The following PTPRG variants were observed in gnomAD, a reference collection of about 807,000 sequenced individuals.
PTPRG encodes receptor-type tyrosine-protein phosphatase gamma.
A neutral mutation model predicts 165.3 loss-of-function variants in PTPRG; 102 were observed. The observed-to-expected ratio is 0.62, with a 90% confidence interval of 0.53 to 0.73. The LOEUF is 0.73. PTPRG is among the 30% of genes least tolerant of loss of function. PTPRG has a pLI of 0.00. For synonymous variants in PTPRG, 675 were observed against 669.5 expected (o/e 1.01, Z -0.13); for missense variants, 1,866 against 1,861.4 (o/e 1.00, Z -0.05).
chr3:61,643,260 G>GAGAGAGAGA (rs1702111483), intron 1 of PTPRG, among the ~76,000 whole-genome samples: 1 of 138,506 alleles, frequency 7.2e-6, no homozygotes, highest in Admixed American at 7.8e-5. Flanking sequence ...CCCCATCTGG[G>GAGAGAGAGA]GAGAGAGAGA....
At chr3:61,749,734 A>G (rs1332167344) in intron 2 of PTPRG, 1 of 153,996 alleles carries the variant, frequency 6.5e-6, no homozygotes, top group African/African-American at 2.4e-5. Flanking sequence ...AAAGCTAATT[A>G]AGGAATGCTT....
At chr3:61,869,259 T>C (rs1166427247) in intron 2 of PTPRG, among the ~76,000 whole-genome samples, 1 of 152,204 alleles carries the variant, frequency 6.6e-6, no homozygotes, top group Non-Finnish European at 1.5e-5. Context: ...TTAATTTCTA[T>C]TTTGGCTCAA....
At chr3:61,833,204 AC>A (rs1166609401) in intron 2 of PTPRG, among the ~76,000 whole-genome samples, 1 of 152,058 alleles carries the variant, frequency 6.6e-6, no homozygotes, top group Non-Finnish European at 1.5e-5. Flanking sequence ...GAGTCTCCTG[AC>A]TGAAAGTTAT....
chr3:61,983,741 G>T (rs537384770), intron 2 of PTPRG, among the ~76,000 whole-genome samples: 1 of 152,132 alleles, frequency 6.6e-6, no homozygotes, highest in Non-Finnish European at 1.5e-5. Flanking sequence ...TCTTAGGTCA[G>T]TTATTAACAG....
At chr3:62,142,559 C>T (rs1242534852) in intron 6 of PTPRG, among the ~76,000 whole-genome samples, 1 of 152,118 alleles carries the variant, frequency 6.6e-6, no homozygotes, top group Non-Finnish European at 1.5e-5. Flanking sequence ...ACATTGCTTT[C>T]CTCTGGGACA....
rs1226305258 is a variant in PTPRG, at chr3:62,003,492, G to A, written c.514G>A (p.Val172Ile). ...CAGCATCAATGGCAGGAGGTTTCCT[G>A]TTGAGGTGAGAGAAAGTCAAGATCT... Reference protein sequence around the residue: ...EHSINGRRFPVEMQIFFYNPD... With the variant: ...EHSINGRRFPIEMQIFFYNPD... The change falls in exon 4 of 30, where the codon GTT becomes ATT. Residue 172 changes from valine (V) to isoleucine (I), a missense_variant. Transcript: ENST00000474889. 1 of 1,613,712 alleles carries A rather than the reference G, an allele frequency of 6.2e-7. No individual in the cohort carries two copies. Among genetic ancestry groups the A allele is most frequent in the South Asian group, 1.1e-5 (1 of 90,996 alleles).
At chr3:61,566,349 A>G (rs184300019) in intron 1 of PTPRG, among the ~76,000 whole-genome samples, 4 of 152,390 alleles carry the variant, frequency 2.6e-5, no homozygotes, top group Non-Finnish European at 4.4e-5. Flanking sequence ...TTGCCTTTCT[A>G]TTCTAAACAG....
At chr3:62,010,072 C>T (rs1428475302) in intron 4 of PTPRG, among the ~76,000 whole-genome samples, 1 of 152,078 alleles carries the variant, frequency 6.6e-6, no homozygotes, top group Non-Finnish European at 1.5e-5. Flanking sequence ...CACACACCAC[C>T]GTGCCCAGCT....
intron 16 of PTPRG, among the ~76,000 whole-genome samples, chr3:62,256,476 C>G (rs1431195613): frequency 6.6e-6 from 1 of 151,938 alleles, no homozygotes; most frequent in African/African-American, 2.4e-5. Flanking sequence ...TTTATGGAAC[C>G]AACAAAAGCA....
At chr3:61,857,096 T>G (rs1301546735) in intron 2 of PTPRG, among the ~76,000 whole-genome samples, 1 of 152,192 alleles carries the variant, frequency 6.6e-6, no homozygotes, top group Non-Finnish European at 1.5e-5. Flanking sequence ...TATCTTTTTT[T>G]TTTTACCCCC....
intron 4 of PTPRG, among the ~76,000 whole-genome samples, chr3:62,058,681 T>A (rs1209576995): frequency 6.6e-6 from 1 of 152,134 alleles, no homozygotes; most frequent in Non-Finnish European, 1.5e-5. Context: ...GGTGCTGTTG[T>A]TAGCATGACC....
chr3:62,052,024 G>A (rs933756219), intron 4 of PTPRG, among the ~76,000 whole-genome samples: 5 of 152,242 alleles, frequency 3.3e-5, no homozygotes, highest in Non-Finnish European at 7.4e-5. Context: ...CATCTTCTGA[G>A]TAAAAAAAGG....
intron 1 of PTPRG, among the ~76,000 whole-genome samples, chr3:61,715,557 G>A (rs978155281): frequency 3.9e-5 from 6 of 152,224 alleles, no homozygotes; most frequent in Admixed American, 1.3e-4. Context: ...GGCCCAGATC[G>A]TATGTCTTGC....
intron 1 of PTPRG, among the ~76,000 whole-genome samples, chr3:61,724,231 A>AAAAAAAAG (rs2032166368): frequency 6.6e-6 from 1 of 150,662 alleles, no homozygotes; most frequent in Non-Finnish European, 1.5e-5. Flanking sequence ...AAAAAAAAAA[A>AAAAAAAAG]GTAGTTATAT....
chr3:62,170,554 A>G (rs1003216651), intron 8 of PTPRG, among the ~76,000 whole-genome samples: 4 of 152,166 alleles, frequency 2.6e-5, no homozygotes, highest in Admixed American at 1.3e-4. Flanking sequence ...ATTGTGTTAA[A>G]TTGTCAAAGT....
intron 1 of PTPRG, among the ~76,000 whole-genome samples, chr3:61,653,976 G>A (rs1287926798): frequency 6.6e-6 from 1 of 152,032 alleles, no homozygotes; most frequent in East Asian, 1.9e-4. Flanking sequence ...TTTTTGTCCT[G>A]TTTTTCATGG....
At chr3:62,034,507 T>TCAGAGC (rs1300842453) in intron 4 of PTPRG, among the ~76,000 whole-genome samples, 2 of 152,360 alleles carry the variant, frequency 1.3e-5, no homozygotes, top group African/African-American at 4.8e-5. Flanking sequence ...AGCAAGCTGC[T>TCAGAGC]CAGAGCCATG....
chr3:62,139,160 GA>G (rs1401307134), intron 6 of PTPRG, among the ~76,000 whole-genome samples: 1 of 152,124 alleles, frequency 6.6e-6, no homozygotes, highest in East Asian at 1.9e-4. Context: ...ATGTGAGGGG[GA>G]CAGTCAGAAA....
intron 2 of PTPRG, among the ~76,000 whole-genome samples, chr3:61,783,446 C>T (rs1197329388): frequency 6.6e-6 from 1 of 152,098 alleles, no homozygotes; most frequent in Non-Finnish European, 1.5e-5. Context: ...GATATAGATG[C>T]CAGTTCACAC....
Sources: gnomAD v4.1 joint callset for allele counts (sites outside exome capture counted in the v4.1 genomes callset) on GRCh38, gnomAD v4.1.1 for gene constraint, MANE v1.5 for transcripts, NCBI Gene and HGNC (gene_info 2026-07-23, HGNC 2026-07-21) for gene names.